Variants in COL6A3 observed in about 807,000 individuals in gnomAD.
COL6A3 encodes collagen alpha-3(VI) chain.
COL6A3 carries 137 observed loss-of-function variants against 274.1 expected under a neutral mutation model. That is an observed-to-expected ratio of 0.50 (90% CI 0.44 to 0.58). The LOEUF (loss-of-function observed/expected upper bound fraction) is 0.58, where lower values mean the gene tolerates loss of function less well. Ranked by LOEUF, COL6A3 falls within the 20% of genes least tolerant of loss-of-function variation. The pLI, the probability that COL6A3 is intolerant of heterozygous loss-of-function variation, is 0.00. For synonymous variants in COL6A3, 1,650 were observed against 1,650.6 expected (o/e 1.00, Z 0.01); for missense variants, 3,950 against 4,124.9 (o/e 0.96, Z 1.16).
In COL6A3 at chr2:237,334,626, T is replaced by C; in HGVS notation, c.9229A>G (p.Lys3077Glu). 6.2e-7 allele frequency: 1 copy of C among 1,613,256 alleles called. No individual in the cohort carries two copies. The highest frequency in any genetic ancestry group is 8.5e-7 in the Non-Finnish European group (1 of 1,180,004). ...CGACTTGTACTGATCATGTACTTAC[T>C]TGTACTGAAACTTCCGTGGTAGGTG... ...RATYHGSFST[K>E]KSQPPPPQPA... The change falls in exon 41 of 44, where the codon AAG becomes GAG. Residue 3077 changes from lysine (K) to glutamate (E), a missense_variant and splice_region_variant. Coordinates refer to ENST00000295550, the MANE Select transcript of COL6A3 (RefSeq NM_004369.4).
In COL6A3 at chr2:237,377,379, C is replaced by T. The variant is rs569183178; in HGVS notation, c.2498-35G>A. On this transcript the variant is annotated intron_variant, in intron 6 of 43. Transcript: ENST00000295550. ...AGGTAGATTAGGATACAATGAGGGA[C>T]GAGAGCATAACAGGAACCAAAGCGA... The T allele has an allele frequency of 1.2e-4, 194 of 1,593,802 alleles. No homozygotes were observed. The South Asian group carries it at 1.4e-3, about 11-fold the overall frequency.
intron 42 of COL6A3, chr2:237,329,474 AC>A (rs1700114050): frequency 6.6e-6 from 1 of 152,236 alleles, no homozygotes; most frequent in African/African-American, 2.4e-5. Flanking sequence ...GCTCATCATA[AC>A]CCACACATGA....
In COL6A3 at chr2:237,374,297, G is replaced by A. The variant is rs2077772039; in HGVS notation, c.3679+115C>T. 1 of 1,478,490 alleles carries A rather than the reference G, an allele frequency of 6.8e-7. No individual in the cohort carries two copies. Among genetic ancestry groups the A allele is most frequent in the South Asian group, 1.2e-5 (1 of 86,878 alleles). 91.6% of individuals were successfully genotyped at this position (1,478,490 alleles called of 1,614,324 possible). ...GTTCCTAAATTTTCCTGTAATTTTA[G>A]TTTTCACTTCACATGGCAGGAAAAG... is the stretch of plus-strand genomic sequence containing the variant. On this transcript the variant is annotated intron_variant, in intron 8 of 43. Transcript: ENST00000295550. The surrounding 1 kb of genome is among the most constrained non-coding windows in gnomAD (Gnocchi z 4.8).
At position 237,357,304 on chromosome 2, in the gene COL6A3, T is replaced by C. The variant is rs767666143; in HGVS notation, c.6591+34A>G. 27 of 1,602,902 alleles carry C rather than the reference T, an allele frequency of 1.7e-5. No individual in the cohort carries two copies. The South Asian group carries it at 2.9e-4, about 17-fold the overall frequency. ...GCAGATCTTATGGCACTAAGAATTGTCACAGAGCCCCCCAAAGCCCTAATG... is the reference window on the plus strand; with the variant it reads ...GCAGATCTTATGGCACTAAGAATTGCCACAGAGCCCCCCAAAGCCCTAATG... On this transcript the variant is annotated intron_variant, in intron 23 of 43. Transcript: ENST00000295550.
rs1043324483 is a variant in COL6A3 at position 237,361,761 on chromosome 2, G to T, written c.6134C>A (p.Pro2045His). 3.1e-6 allele frequency: 5 copies of T among 1,614,056 alleles called. No homozygotes were observed. In the African/African-American group the frequency reaches 6.7e-5, roughly 22 times the overall value. ...TACCTTTGGCCCGATGCTGCCGATG[G>T]GCCCGCGGTCTCCCCTCTGCCCAGA... is the stretch of plus-strand genomic sequence containing the variant. Reference protein sequence around the residue: ...KCSGQRGDRGPIGSIGPKGIP... With the variant: ...KCSGQRGDRGHIGSIGPKGIP... The change falls in exon 15 of 44, where the codon CCC (proline) becomes CAC (histidine). Residue 2045 changes from proline (P) to histidine (H), a missense_variant. This residue lies in a region of COL6A3 where 92 missense variants were observed against 143.4 expected (regional missense o/e 0.64). Transcript: ENST00000295550. This position sits in a 1 kb window ranked among gnomAD's most constrained non-coding sequence, Gnocchi z 5.1.
chr2:237,352,605 C>T (rs1459630945), intron 25 of COL6A3, 21 bp from the exon 26 acceptor site: 11 of 1,610,020 alleles, frequency 6.8e-6, no homozygotes, highest in South Asian at 1.1e-5. Flanking sequence ...AAAAGACCAT[C>T]GTGAGTGCTA....
At chr2:237,325,775 C>T (rs750186022) in intron 42 of COL6A3, 51 bp from the exon 43 acceptor site, 44 of 1,530,146 alleles carry the variant, frequency 2.9e-5, no homozygotes, top group East Asian at 2.3e-5. Flanking sequence ...GCGTGTTACT[C>T]GGCTCCCAGT....
At position 237,407,345 on chromosome 2, in the gene COL6A3, T is replaced by G. The variant is rs993373045; in HGVS notation, c.-31+6608A>C. On this transcript the variant is annotated intron_variant, in intron 1 of 43. Coordinates refer to ENST00000295550, the MANE Select transcript of COL6A3 (RefSeq NM_004369.4). This position sits in a 1 kb window ranked among gnomAD's most constrained non-coding sequence, Gnocchi z 4.3. ...TAACTAGACCTCCTTTGTCACCTAC[T>G]GGGGTCCTTTGTCACTTACGGGGGT... Among the ~76,000 whole-genome samples the G allele has an allele frequency of 3.9e-5, 6 of 152,352 alleles. No individual in the cohort carries two copies. The highest frequency in any genetic ancestry group is 6.5e-5 in the Admixed American group (1 of 15,306).
At chr2:237,370,672 C>T (rs897029791) in intron 9 of COL6A3, among the ~76,000 whole-genome samples, 2 of 152,238 alleles carry the variant, frequency 1.3e-5, no homozygotes, top group African/African-American at 4.8e-5. Flanking sequence ...CACATTTCAA[C>T]CTGCCCTTTG....
At chr2:237,362,752 G>C (rs993327497) in intron 14 of COL6A3, among the ~76,000 whole-genome samples, 4 of 152,340 alleles carry the variant, frequency 2.6e-5, no homozygotes, top group East Asian at 1.9e-4. Flanking sequence ...CCAGCTGAGA[G>C]AGGCTGGCCC....
rs762899457 is a variant in COL6A3 at position 237,377,052 on chromosome 2, C to T, written c.2790G>A (p.Lys930=). The T allele has an allele frequency of 7.4e-6, 12 of 1,614,114 alleles. No homozygotes were observed. The highest frequency in any genetic ancestry group is 4.2e-6 in the Non-Finnish European group (5 of 1,180,050). ...CATCCTCGATCCGGCTGCCAGCAGA[C>T]TTCACAAAAATGTACCTCTGTGCAT... The part of the protein sequence containing the change: ...LDYAQRYIFV[K]SAGSRIEDGV... Residue 930 remains lysine, a synonymous_variant, in exon 7 of 44, where the codon AAG becomes AAA. Coordinates refer to ENST00000295550, the MANE Select transcript of COL6A3 (RefSeq NM_004369.4).
chr2:237,369,443 G>T (rs1251946355), intron 9 of COL6A3, among the ~76,000 whole-genome samples: 5 of 152,164 alleles, frequency 3.3e-5, no homozygotes, highest in African/African-American at 4.8e-5. Context: ...TTGTGGTCTG[G>T]GTTACTACTG....
At chr2:237,385,389 C>T (rs1385051951) in intron 4 of COL6A3, among the ~76,000 whole-genome samples, 3 of 152,194 alleles carry the variant, frequency 2.0e-5, no homozygotes, top group African/African-American at 7.2e-5. Flanking sequence ...TAGGGAAAAT[C>T]TGAAACAAGG....
intron 3 of COL6A3, among the ~76,000 whole-genome samples, chr2:237,391,491 C>T (rs1415623544): frequency 6.7e-6 from 1 of 150,146 alleles, no homozygotes; most frequent in Non-Finnish European, 1.5e-5. Flanking sequence ...CATTTCTCTA[C>T]TGGTCCCTTT....
At chr2:237,391,411 A>C (rs903793617) in intron 3 of COL6A3, among the ~76,000 whole-genome samples, 1 of 152,268 alleles carries the variant, frequency 6.6e-6, no homozygotes, top group Non-Finnish European at 1.5e-5. Context: ...TGTCCATTAC[A>C]TAATGGTTAA....
intron 8 of COL6A3, 111 bp from the exon 9 acceptor site, chr2:237,372,448 A>G: frequency 6.3e-7 from 1 of 1,585,614 alleles, no homozygotes; most frequent in Admixed American, 1.7e-5. Flanking sequence ...CCTAACACCA[A>G]TCACCACTGT....
Position 237,367,020 on chromosome 2 carries a change from G to C in COL6A3, c.5167C>G (p.Leu1723Val). 1 of 1,614,218 alleles carries C rather than the reference G, an allele frequency of 6.2e-7. No individual in the cohort carries two copies. Among genetic ancestry groups the C allele is most frequent in the Non-Finnish European group, 8.5e-7 (1 of 1,180,042 alleles). The change falls in exon 11 of 44, where the codon CTT (leucine) becomes GTT (valine). Residue 1723 changes from leucine to valine, a missense_variant. Around this residue, in one of 5 missense-constraint regions of COL6A3, gnomAD observed 632 missense variants for 623.4 expected, o/e 1.01. Coordinates refer to ENST00000295550, the MANE Select transcript of COL6A3 (RefSeq NM_004369.4). The part of the protein sequence containing the change: ...GGRHANTKVG[L>V]EHLRVNHFVP... ...AAGTGGTTTACCCGCAGGTGCTCAA[G>C]GCCCACCTTAGTGTTGGCGTGTCTT... is the stretch of plus-strand genomic sequence containing the variant.
chr2:237,350,835 C>T (rs1054569597), intron 27 of COL6A3, among the ~76,000 whole-genome samples: 1 of 152,228 alleles, frequency 6.6e-6, no homozygotes, highest in African/African-American at 2.4e-5. Flanking sequence ...GCACTATTGG[C>T]ACAAGCCAAG....
In COL6A3 at chr2:237,374,971, G is replaced by A. The variant is rs769776107; in HGVS notation, c.3120C>T (p.Val1040=). 1 of 1,613,910 alleles carries A rather than the reference G, an allele frequency of 6.2e-7. No homozygotes were observed. Among genetic ancestry groups the A allele is most frequent in the Non-Finnish European group, 8.5e-7 (1 of 1,180,026 alleles). ...VVFLLDGSEG[V]RSGFPLLKEF... is the part of the protein sequence containing the mutation. ...CTTTCAACAGAGGGAAGCCGCTCCT[G>A]ACGCCCTCAGAGCCATCAAGCAGAA... Residue 1040 remains valine, a synonymous_variant, in exon 8 of 44, where the codon GTC becomes GTT. Transcript: ENST00000295550. This position sits in a 1 kb window ranked among gnomAD's most constrained non-coding sequence, Gnocchi z 4.8.
Sources: gnomAD v4.1 joint callset for allele counts (sites outside exome capture counted in the v4.1 genomes callset) on GRCh38, gnomAD v4.1.1 for gene constraint, gnomAD v4.1.1 regional missense constraint, Gnocchi (gnomAD v3.1) non-coding constraint, MANE v1.5 for transcripts, NCBI Gene and HGNC (gene_info 2026-07-23, HGNC 2026-07-21) for gene names.